The following LTBP2 variants were observed in gnomAD, a reference collection of about 807,000 sequenced individuals.
The protein encoded by LTBP2 is latent-transforming growth factor beta-binding protein 2.
In LTBP2, 103 loss-of-function variants were observed where a neutral mutation model predicts 210.6. That is an observed-to-expected ratio of 0.49 (90% CI 0.42 to 0.58). The LOEUF (loss-of-function observed/expected upper bound fraction) is 0.58. LTBP2 is among the 20% of genes least tolerant of loss of function. The pLI is 0.00. For missense variants in LTBP2, 2,313 were observed against 2,494.5 expected (o/e 0.93, Z 1.55); for synonymous variants, 1,007 against 1,015.0 (o/e 0.99, Z 0.15).
chr14:74,597,037 G>T (rs186086224), intron 2 of LTBP2, among the ~76,000 whole-genome samples: 2 of 152,200 alleles, frequency 1.3e-5, no homozygotes, highest in African/African-American at 4.8e-5. Context: ...GCAGCAGATT[G>T]TTCCGGGAGC....
chr14:74,533,351 C>T (rs2087376310), intron 9 of LTBP2, among the ~76,000 whole-genome samples: 1 of 152,142 alleles, frequency 6.6e-6, no homozygotes, highest in Non-Finnish European at 1.5e-5. Context: ...AGTCATTCAG[C>T]TGGAGAGTGG....
At chr14:74,527,932 C>T (rs141645140) in intron 12 of LTBP2, among the ~76,000 whole-genome samples, 4 of 152,368 alleles carry the variant, frequency 2.6e-5, no homozygotes, top group African/African-American at 7.2e-5. Flanking sequence ...GGCGCTATGA[C>T]GTTCCAGGCC....
chr14:74,500,885 T>C lies in LTBP2; in HGVS notation c.5465A>G (p.Ter1822TrpextTer31). ...AGPPHCTAKE[*>W] Reference sequence around the variant, plus strand: ...AGTTGCCACACTGACCCCTGACTGCTACTCCTTGGCAGTGCAGTGGGGGGG... The same window carrying C: ...AGTTGCCACACTGACCCCTGACTGCCACTCCTTGGCAGTGCAGTGGGGGGG... Residue 1822 changes from the stop codon to tryptophan, a stop_lost, in exon 36 of 36, where the codon TAG (stop) becomes TGG (tryptophan). Coordinates refer to ENST00000261978, the MANE Select transcript of LTBP2 (RefSeq NM_000428.3). 3 of 1,614,036 alleles carry C rather than the reference T, an allele frequency of 1.9e-6. No homozygotes were observed. The highest frequency in any genetic ancestry group is 2.5e-6 in the Non-Finnish European group (3 of 1,180,014).
At position 74,508,924 on chromosome 14, in the gene LTBP2, G is replaced by A. The variant is rs1160793150; in HGVS notation, c.3432C>T (p.Ser1144=). 4.3e-6 allele frequency: 7 copies of A among 1,613,626 alleles called. No individual in the cohort carries two copies. Among genetic ancestry groups the A allele is most frequent in the Admixed American group, 1.7e-5 (1 of 60,008 alleles). The change falls in exon 23 of 36, where the codon AGC becomes AGT. Residue 1144 remains serine (S), a synonymous_variant. Coordinates refer to ENST00000261978, the MANE Select transcript of LTBP2 (RefSeq NM_000428.3). ...TCTTGCACTCGCCTCCCAGGCAGCT[G>A]CTCTGGGGGTCTTCACATTCATCCA... The part of the protein sequence containing the change: ...EDVDECEDPQ[S]SCLGGECKNT...
intron 15 of LTBP2, among the ~76,000 whole-genome samples, chr14:74,523,312 T>C (rs2087232772): frequency 6.6e-6 from 1 of 151,678 alleles, no homozygotes; most frequent in South Asian, 2.1e-4. Flanking sequence ...ACAGACCTGG[T>C]GAGTAAGGTG....
chr14:74,537,502 C>A (rs142997769), intron 8 of LTBP2, among the ~76,000 whole-genome samples: 28 of 152,292 alleles, frequency 1.8e-4, no homozygotes, highest in Non-Finnish European at 3.7e-4. Flanking sequence ...TGATGGCTTC[C>A]TGTAGCAATT....
Position 74,590,326 on chromosome 14 carries a change from C to T in LTBP2, c.566-4208G>A, listed in dbSNP as rs565243380. Among the ~76,000 whole-genome samples, 14 of 152,358 alleles carry T rather than the reference C, an allele frequency of 9.2e-5. No individual in the cohort carries two copies. The East Asian group carries it at 2.7e-3, about 29-fold the overall frequency. ...CAAAGAAGTCATTCTATCAAAAAGA[C>T]ACCCGCACGTGTATGTCTACTGCAG... On this transcript the variant is annotated intron_variant, in intron 2 of 35. Coordinates refer to ENST00000261978, the MANE Select transcript of LTBP2 (RefSeq NM_000428.3).
At chr14:74,519,885 A>G (rs192916606) in intron 17 of LTBP2, among the ~76,000 whole-genome samples, 56 of 152,310 alleles carry the variant, frequency 3.7e-4, no homozygotes, top group Non-Finnish European at 7.5e-4. Flanking sequence ...ACACCCACCT[A>G]GACGATTGGA....
In LTBP2 at chr14:74,571,397, C is replaced by T. The variant is rs116645833; in HGVS notation, c.830+14457G>A. On this transcript the variant is annotated intron_variant, in intron 3 of 35. Coordinates refer to ENST00000261978, the MANE Select transcript of LTBP2 (RefSeq NM_000428.3). Reference sequence around the variant, plus strand: ...ACCAAAAATGTGCCAGATGCACTTACGTGGATTAGTCAATCCTTCTGACAA... The same window carrying T: ...ACCAAAAATGTGCCAGATGCACTTATGTGGATTAGTCAATCCTTCTGACAA... Among the ~76,000 whole-genome samples, 1,181 of 152,292 alleles carry T rather than the reference C, an allele frequency of 7.8e-3. 16 individuals are homozygous for T. The highest frequency in any genetic ancestry group is 0.026 in the African/African-American group (1,101 of 41,554).
intron 17 of LTBP2, 101 bp downstream of exon 17, chr14:74,521,810 C>A (rs532158056): frequency 1.3e-6 from 2 of 1,507,564 alleles, no homozygotes; most frequent in Admixed American, 1.7e-5. Flanking sequence ...TGCCCACTCC[C>A]CATTCTGCGG....
chr14:74,585,322 AGAG>A (rs779761624), intron 3 of LTBP2, among the ~76,000 whole-genome samples: 8 of 152,232 alleles, frequency 5.3e-5, no homozygotes, highest in Non-Finnish European at 8.8e-5. Flanking sequence ...GACCACAGGC[AGAG>A]GAGGAGGAGG....
intron 2 of LTBP2, among the ~76,000 whole-genome samples, chr14:74,598,739 C>T (rs1057173691): frequency 6.6e-6 from 1 of 152,156 alleles, no homozygotes; most frequent in East Asian, 1.9e-4. Flanking sequence ...CCCTCAGCCA[C>T]GTGGTGGAGC....
intron 8 of LTBP2, among the ~76,000 whole-genome samples, chr14:74,540,803 A>ATT (rs1566629844): frequency 1.5e-5 from 1 of 68,792 alleles, no homozygotes; most frequent in Non-Finnish European, 3.0e-5. Flanking sequence ...ATTTATATAT[A>ATT]TATATAATAT....
chr14:74,502,876 G>A lies in LTBP2; in HGVS notation c.4947C>T (p.Val1649=). Residue 1649 remains valine (V), a synonymous_variant, in exon 34 of 36, where the codon GTC becomes GTT. Coordinates refer to ENST00000261978, the MANE Select transcript of LTBP2 (RefSeq NM_000428.3). The part of the protein sequence containing the change: ...ARIEAEREAG[V]HFRPGYEYGP... ...CATACTCATAGCCTGGCCGGAAGTG[G>A]ACCCCGGCCTCCCGCTCTGCCTCAA... 6.2e-7 allele frequency: 1 copy of A among 1,613,630 alleles called. No homozygotes were observed. The highest frequency in any genetic ancestry group is 8.5e-7 in the Non-Finnish European group (1 of 1,180,028).
chr14:74,566,153 A>G (rs1461983637), intron 3 of LTBP2, among the ~76,000 whole-genome samples: 2 of 152,032 alleles, frequency 1.3e-5, no homozygotes, highest in Admixed American at 1.3e-4. Flanking sequence ...TCTAATCATG[A>G]AATTAAGTAT....
At chr14:74,606,345 C>T (rs2043948) in intron 1 of LTBP2, among the ~76,000 whole-genome samples, 16,708 of 152,280 alleles carry the variant, frequency 0.11, 1,089 homozygotes, top group East Asian at 0.18. Context: ...TCCCCATCAC[C>T]CCCACCTTGT....
Position 74,500,985 on chromosome 14 carries a change from C to G in LTBP2, c.5365G>C (p.Val1789Leu), listed in dbSNP as rs368636646. The G allele has an allele frequency of 1.9e-6, 3 of 1,614,016 alleles. No homozygotes were observed. Among genetic ancestry groups the G allele is most frequent in the African/African-American group, 2.7e-5 (2 of 74,914 alleles). ...TCTGTGTTCTCGCAGTAACCATGGA[C>G]ACAGAGCACAGCAGGCCCGTTCAAG... ...DDLNGPAVLC[V>L]HGYCENTEGS... The change falls in exon 36 of 36, where the codon GTC (valine) becomes CTC (leucine). Residue 1789 changes from valine (V) to leucine (L), a missense_variant. Transcript: ENST00000261978.
At chr14:74,536,643 C>T (rs1442474705) in intron 8 of LTBP2, among the ~76,000 whole-genome samples, 1 of 152,132 alleles carries the variant, frequency 6.6e-6, no homozygotes, top group Non-Finnish European at 1.5e-5. Context: ...GTCAGGAGTT[C>T]GAGACCAGTC....
At chr14:74,583,923 G>A (rs772053452) in intron 3 of LTBP2, among the ~76,000 whole-genome samples, 2 of 152,230 alleles carry the variant, frequency 1.3e-5, no homozygotes, top group African/African-American at 2.4e-5. Context: ...CATGGGAACC[G>A]GCAGGGGCCT....
Sources: allele counts gnomAD v4.1 joint callset (sites outside exome capture counted in the v4.1 genomes callset), GRCh38; gene constraint gnomAD v4.1.1; transcripts MANE v1.5; gene names NCBI Gene and HGNC (gene_info 2026-07-23, HGNC 2026-07-21).